DENND5B: variants seen among roughly 807,000 people sequenced by gnomAD.
DENND5B encodes the protein DENN domain containing 5B.
Under a neutral mutation model 140.6 loss-of-function variants are expected in DENND5B, and 34 were observed. The observed-to-expected ratio is 0.24, with a 90% CI of 0.18 to 0.32. The LOEUF (loss-of-function observed/expected upper bound fraction) is 0.32. Among genes scored for constraint, DENND5B ranks in the 10% least tolerant of loss-of-function variants. The probability of loss-of-function intolerance (pLI) is 1.00; values close to 1 mark genes in which losing one functional copy is unlikely to be tolerated. For missense variants in DENND5B, 1,142 were observed against 1,560.2 expected (o/e 0.73, Z 4.52); for synonymous variants, 551 against 562.1 (o/e 0.98, Z 0.28).
chr12:31,542,175 C>T (rs1273173462), intron 1 of DENND5B, among the ~76,000 whole-genome samples: 1 of 151,876 alleles, frequency 6.6e-6, no homozygotes, highest in Non-Finnish European at 1.5e-5. Context: ...GTAGTCCCAG[C>T]TACTCAGGAG....
intron 3 of DENND5B, among the ~76,000 whole-genome samples, chr12:31,462,329 A>G (rs1945055318): frequency 8.3e-6 from 1 of 120,546 alleles, no homozygotes; most frequent in Admixed American, 1.1e-4. Context: ...ACTGTAGGCA[A>G]TATGGGTCTT....
chr12:31,408,100 AGCCT>A, intron 14 of DENND5B, among the ~76,000 whole-genome samples: 1 of 152,300 alleles, frequency 6.6e-6, no homozygotes, highest in South Asian at 2.1e-4. Flanking sequence ...GTTTGAGACC[AGCCT>A]GGCCAACATG....
chr12:31,439,636 A>AG (rs966812856), intron 7 of DENND5B, among the ~76,000 whole-genome samples: 9 of 126,248 alleles, frequency 7.1e-5, no homozygotes, highest in Admixed American at 3.0e-4. Flanking sequence ...TGCCATCAAA[A>AG]GGAAAAAAAA....
intron 17 of DENND5B, among the ~76,000 whole-genome samples, chr12:31,393,774 G>A (rs1167769415): frequency 6.6e-6 from 1 of 152,030 alleles, no homozygotes; most frequent in Non-Finnish European, 1.5e-5. Context: ...TGCACCCTCC[G>A]CCTCCCAGGT....
At chr12:31,485,736 C>CCTCTCT (rs55748263) in intron 2 of DENND5B, among the ~76,000 whole-genome samples, 1,696 of 149,724 alleles carry the variant, frequency 0.011, 13 homozygotes, top group South Asian at 0.049. Flanking sequence ...GCTTCCATCT[C>CCTCTCT]CTCTCTCTCT....
At position 31,479,868 on chromosome 12, in the gene DENND5B, T is replaced by C; in HGVS notation, c.625A>G (p.Ile209Val). Residue 209 changes from isoleucine (I) to valine (V), a missense_variant, in exon 3 of 21, where the codon ATC (isoleucine) becomes GTC (valine). Physicochemically the swap from Ile to Val is conservative, Grantham distance 29. This residue lies in a region of DENND5B where 708 missense variants were observed against 905.5 expected (regional missense o/e 0.78). Transcript: ENST00000389082. The stretch of plus-strand genomic sequence containing the variant: ...GAGGTAACAGCCTTGTAAAGCTGGA[T>C]AAGGAATTTCTTGCAGGCCTGCATG... ...PFMQACKKFL[I>V]QLYKAVTSQQ... 6.2e-7 allele frequency: 1 copy of C among 1,613,932 alleles called. No homozygotes were observed.
chr12:31,472,908 T>G (rs1019119339), intron 3 of DENND5B, among the ~76,000 whole-genome samples: 1 of 152,082 alleles, frequency 6.6e-6, no homozygotes, highest in Non-Finnish European at 1.5e-5. Context: ...TTTGAGAGCC[T>G]TATATGCTGT....
rs551121551 is a variant in DENND5B at position 31,495,492 on chromosome 12, C to T, written c.237+318G>A. On this transcript the variant is annotated intron_variant, in intron 2 of 20. Transcript: ENST00000389082. ...CTCCTGGGTTCAAGTGATTCTCCTG[C>T]CTCAGCCTCCCGAGTAGCTGGGATT... 1.1e-4 allele frequency among the ~76,000 whole-genome samples: 16 copies of T among 150,540 alleles called. 1 individual carries two copies. The South Asian group carries it at 2.9e-3, about 27-fold the overall frequency.
At chr12:31,441,976 C>T (rs774631451) in intron 7 of DENND5B, among the ~76,000 whole-genome samples, 4 of 152,192 alleles carry the variant, frequency 2.6e-5, no homozygotes, top group Non-Finnish European at 5.9e-5. Flanking sequence ...AGCCACCATG[C>T]CTGGCCACAA....
chr12:31,568,897 T>C (rs1308742780), intron 1 of DENND5B, among the ~76,000 whole-genome samples: 3 of 152,028 alleles, frequency 2.0e-5, no homozygotes, highest in Non-Finnish European at 1.5e-5. Context: ...CTTCATAAAA[T>C]GTTGAAGTGG....
At chr12:31,419,929 C>T (rs1021997523) in intron 11 of DENND5B, 33 of 800,290 alleles carry the variant, frequency 4.1e-5, no homozygotes, top group African/African-American at 3.1e-4. Context: ...GCCAAGACTG[C>T]GCCATTGCAC....
At chr12:31,432,107 T>A in intron 8 of DENND5B, 1 of 985,176 alleles carries the variant, frequency 1.0e-6, no homozygotes, top group Non-Finnish European at 1.2e-6. Flanking sequence ...CTGGTCCCAC[T>A]CCCAGAATGC....
At chr12:31,534,743 T>C in intron 1 of DENND5B, 1 of 360,200 alleles carries the variant, frequency 2.8e-6, no homozygotes, top group Non-Finnish European at 5.4e-6. Flanking sequence ...TGTATAGCCT[T>C]CCACCATTAC....
intron 1 of DENND5B, among the ~76,000 whole-genome samples, chr12:31,510,039 G>A (rs1947350611): frequency 6.6e-6 from 1 of 152,120 alleles, no homozygotes; most frequent in Non-Finnish European, 1.5e-5. Context: ...GCCAAATGAC[G>A]TGCAGTTCCC....
intron 1 of DENND5B, among the ~76,000 whole-genome samples, chr12:31,584,959 G>C (rs565721173): frequency 3.9e-5 from 6 of 152,258 alleles, no homozygotes; most frequent in Non-Finnish European, 7.4e-5. Context: ...ATGGCAGAAG[G>C]CTAGCCAATT....
Position 31,479,607 on chromosome 12 carries a change from T to A in DENND5B, c.886A>T (p.Ile296Phe). 1 of 1,498,152 alleles carries A rather than the reference T, an allele frequency of 6.7e-7. No homozygotes were observed. The highest frequency in any genetic ancestry group is 8.9e-7 in the Non-Finnish European group (1 of 1,125,222). The allele number at this position is 1,498,152 out of a possible 1,614,324, so 92.8% of individuals were successfully genotyped here. A position where few individuals can be genotyped will look rare whatever the true frequency, so the allele number is the denominator to read the frequency against. The change falls in exon 3 of 21, where the codon ATC becomes TTC. Residue 296 changes from isoleucine (I) to phenylalanine (F), a missense_variant. By Grantham distance (21) the Ile-to-Phe change is conservative. Around this residue, in one of 5 missense-constraint regions of DENND5B, gnomAD observed 708 missense variants for 905.5 expected, o/e 0.78. Coordinates refer to ENST00000389082, the MANE Select transcript of DENND5B (RefSeq NM_144973.4). ...VFTCVLLEMQ[I>F]LLYSQDYQRL... ...AACCTACCTTGTGAGTAGAGAAGGA[T>A]TTGCATCTCTAAAAGAACACAGGTA...
chr12:31,488,834 C>A (rs1037515452), intron 2 of DENND5B, among the ~76,000 whole-genome samples: 1 of 152,082 alleles, frequency 6.6e-6, no homozygotes, highest in South Asian at 2.1e-4. Context: ...ACTAACAATA[C>A]CCCCTCACCA....
chr12:31,553,428 C>T lies in DENND5B; in HGVS notation c.127+37278G>A, dbSNP rs550643782. ...TTTGATTGCACTGTGGTCTGAGAGA[C>T]AGTTTGTTATAATTTCTGTTCTTTT... On this transcript the variant is annotated intron_variant, in intron 1 of 20. Coordinates refer to ENST00000389082, the MANE Select transcript of DENND5B (RefSeq NM_144973.4). 5.3e-5 allele frequency among the ~76,000 whole-genome samples: 8 copies of T among 152,234 alleles called. No individual in the cohort carries two copies. The South Asian group carries it at 1.0e-3, about 20-fold the overall frequency.
intron 1 of DENND5B, among the ~76,000 whole-genome samples, chr12:31,519,029 T>G (rs555627604): frequency 6.6e-6 from 1 of 152,302 alleles, no homozygotes; most frequent in South Asian, 2.1e-4. Flanking sequence ...TATGTAAAAA[T>G]CTATGGGAAG....
Sources: allele counts gnomAD v4.1 joint callset (sites outside exome capture counted in the v4.1 genomes callset), GRCh38; gene constraint gnomAD v4.1.1; regional missense constraint gnomAD v4.1.1; transcripts MANE v1.5; gene names NCBI Gene and HGNC (gene_info 2026-07-23, HGNC 2026-07-21).